CSMD3: variants seen among roughly 807,000 people sequenced by gnomAD.
The protein encoded by CSMD3 is CUB and sushi domain-containing protein 3.
In CSMD3, 177 loss-of-function variants were observed where a neutral mutation model predicts 435.2. The ratio of observed to expected loss-of-function variants is 0.41; its 90% CI spans 0.36 to 0.46. CSMD3 has a LOEUF of 0.46. Among genes scored for constraint, CSMD3 ranks in the 20% least tolerant of loss-of-function variants. The pLI is 0.34. For missense variants in CSMD3, 4,265 were observed against 4,504.6 expected, an observed-to-expected ratio of 0.95 and a Z score of 1.52; for synonymous variants, 1,656 against 1,520.5, an observed-to-expected ratio of 1.09 and a Z score of -2.07.
intron 32 of CSMD3, among the ~76,000 whole-genome samples, chr8:112,416,498 C>A (rs933466738): frequency 2.0e-5 from 3 of 152,166 alleles, no homozygotes; most frequent in Non-Finnish European, 4.4e-5. Context: ...TTAACAAGTA[C>A]ACGAATGATT....
At chr8:112,580,880 A>G (rs1273206835) in intron 23 of CSMD3, among the ~76,000 whole-genome samples, 1 of 152,096 alleles carries the variant, frequency 6.6e-6, no homozygotes. Flanking sequence ...CAGACGTTGA[A>G]TTGGCAAATA....
intron 23 of CSMD3, among the ~76,000 whole-genome samples, chr8:112,581,296 T>C (rs1307902659): frequency 6.6e-6 from 1 of 152,054 alleles, no homozygotes; most frequent in African/African-American, 2.4e-5. Context: ...CTAAAGCCCA[T>C]TCTTAATGAC....
intron 41 of CSMD3, among the ~76,000 whole-genome samples, chr8:112,343,001 T>TAA (rs1554647587): frequency 2.7e-5 from 3 of 109,674 alleles, no homozygotes; most frequent in Non-Finnish European, 5.6e-5. Context: ...ATATATATAT[T>TAA]TATATATATA....
intron 2 of CSMD3, among the ~76,000 whole-genome samples, chr8:113,290,927 A>G (rs147733754): frequency 1.8e-4 from 28 of 151,552 alleles, no homozygotes; most frequent in African/African-American, 6.5e-4. Flanking sequence ...TTTACTCTAT[A>G]TGAAGTATTT....
intron 1 of CSMD3, among the ~76,000 whole-genome samples, chr8:113,372,579 G>A (rs967897595): frequency 3.9e-5 from 6 of 152,210 alleles, no homozygotes; most frequent in Non-Finnish European, 5.9e-5. Flanking sequence ...CCTCATATAA[G>A]TTGGCACACA....
chr8:112,611,379 A>G (rs1001857726), intron 22 of CSMD3, among the ~76,000 whole-genome samples: 3 of 152,168 alleles, frequency 2.0e-5, no homozygotes, highest in African/African-American at 7.2e-5. Flanking sequence ...GAAATAAACC[A>G]TCTTGGGTTT....
intron 13 of CSMD3, among the ~76,000 whole-genome samples, chr8:112,790,327 C>G (rs751460880): frequency 1.3e-5 from 2 of 150,388 alleles, no homozygotes; most frequent in African/African-American, 2.4e-5. Flanking sequence ...GAGAAATACT[C>G]TAATTAAGTT....
chr8:113,278,999 C>T (rs1464673041), intron 2 of CSMD3, among the ~76,000 whole-genome samples: 1 of 151,348 alleles, frequency 6.6e-6, no homozygotes, highest in African/African-American at 2.4e-5. Context: ...TTGGAATATA[C>T]ATTTTTAAAA....
chr8:112,939,959 C>T (rs547217776), intron 9 of CSMD3, among the ~76,000 whole-genome samples: 1 of 151,876 alleles, frequency 6.6e-6, no homozygotes, highest in Non-Finnish European at 1.5e-5. Flanking sequence ...AGATGTAGGC[C>T]ATTCTTTAGG....
At chr8:113,266,311 G>T (rs2093470754) in intron 3 of CSMD3, among the ~76,000 whole-genome samples, 1 of 150,708 alleles carries the variant, frequency 6.6e-6, no homozygotes, top group Admixed American at 6.6e-5. Flanking sequence ...ATTTTAAAAA[G>T]ACAAAGATTA....
intron 38 of CSMD3, among the ~76,000 whole-genome samples, chr8:112,376,998 T>C (rs905547704): frequency 6.6e-6 from 1 of 152,132 alleles, no homozygotes; most frequent in African/African-American, 2.4e-5. Context: ...ATGTTTCATA[T>C]AGTTGTTTAA....
intron 4 of CSMD3, among the ~76,000 whole-genome samples, chr8:113,163,178 C>G (rs1163072908): frequency 6.6e-6 from 1 of 152,024 alleles, no homozygotes; most frequent in African/African-American, 2.4e-5. Context: ...TTTCAGCCAT[C>G]GGATGCTGTG....
chr8:112,573,551 A>T lies in CSMD3; in HGVS notation c.3992T>A (p.Phe1331Tyr), dbSNP rs755968593. 1 of 1,613,546 alleles carries T rather than the reference A, an allele frequency of 6.2e-7. No homozygotes were observed. Among genetic ancestry groups the T allele is most frequent in the Middle Eastern group, 1.7e-4 (1 of 6,060 alleles). The change falls in exon 24 of 71, where the codon TTT becomes TAT. Residue 1331 changes from phenylalanine (F) to tyrosine (Y), a missense_variant. Physicochemically the swap from Phe to Tyr is conservative, Grantham distance 22. Transcript: ENST00000297405. The part of the protein sequence containing the change: ...SSTSNQLWLE[F>Y]NSDTEGTDEG... ...ATCTGTCCCTTCAGTATCGGAATTA[A>T]ATTCTAGCCAGAGTTGATTTGAAGT...
At chr8:113,197,311 C>A (rs1312097628) in intron 3 of CSMD3, among the ~76,000 whole-genome samples, 1 of 150,128 alleles carries the variant, frequency 6.7e-6, no homozygotes, top group Admixed American at 6.7e-5. Context: ...ATATATATAA[C>A]ACACATATAA....
intron 3 of CSMD3, among the ~76,000 whole-genome samples, chr8:113,254,434 G>T (rs1421638411): frequency 6.6e-6 from 1 of 152,148 alleles, no homozygotes; most frequent in African/African-American, 2.4e-5. Flanking sequence ...GCACAGTAAG[G>T]AACAGACAGC....
intron 31 of CSMD3, 112 bp from the exon 32 acceptor site, chr8:112,472,819 A>G: frequency 1.5e-6 from 1 of 676,982 alleles, no homozygotes; most frequent in Non-Finnish European, 2.7e-6. Flanking sequence ...AAGGTGTATA[A>G]TTTATTTGCA....
intron 2 of CSMD3, among the ~76,000 whole-genome samples, chr8:113,294,621 A>C (rs979245887): frequency 6.6e-6 from 1 of 152,144 alleles, no homozygotes; most frequent in Non-Finnish European, 1.5e-5. Flanking sequence ...TGGATCTGAT[A>C]ATTAGAAAAT....
intron 11 of CSMD3, among the ~76,000 whole-genome samples, chr8:112,834,606 G>A (rs546320073): frequency 1.0e-3 from 151 of 151,708 alleles, no homozygotes; most frequent in African/African-American, 3.5e-3. Flanking sequence ...GGAGTCTGAT[G>A]TAAAATTTTC....
chr8:113,078,533 A>T (rs72683889), intron 5 of CSMD3, among the ~76,000 whole-genome samples: 10,141 of 152,226 alleles, frequency 0.067, 450 homozygotes, highest in Non-Finnish European at 0.095. Context: ...AAATACATGA[A>T]CATAAAATTT....
Sources: gnomAD v4.1 joint callset for allele counts (sites outside exome capture counted in the v4.1 genomes callset) on GRCh38, gnomAD v4.1.1 for gene constraint, MANE v1.5 for transcripts, NCBI Gene and HGNC (gene_info 2026-07-23, HGNC 2026-07-21) for gene names.